The following CENPO variants were observed in gnomAD, a reference collection of about 807,000 sequenced individuals.
The protein encoded by CENPO is centromeric protein O.
Under a neutral mutation model 36.1 loss-of-function variants are expected in CENPO, and 30 were observed. The observed-to-expected ratio is 0.83, with a 90% confidence interval of 0.62 to 1.13. The LOEUF (loss-of-function observed/expected upper bound fraction) is 1.13. Ranked by LOEUF, CENPO falls within the 50% of genes most tolerant of loss-of-function variation. CENPO has a pLI of 0.00. For synonymous variants in CENPO, 171 were observed against 142.3 expected, an observed-to-expected ratio of 1.20 and a Z score of -1.44; for missense variants, 349 against 357.8, an observed-to-expected ratio of 0.98 and a Z score of 0.20.
chr2:24,821,509 G>T lies in CENPO; in HGVS notation c.*2191G>T, dbSNP rs762780810. On this transcript the variant is annotated 3_prime_UTR_variant, in exon 8 of 8. Transcript: ENST00000380834. ...CTGCTGCGGGGCAGGCCAGCTGGGG[G>T]TGCTCACCTATGCGCAGCATGAAGT... is the stretch of plus-strand genomic sequence containing the variant. 1.9e-6 allele frequency: 3 copies of T among 1,613,760 alleles called. No homozygotes were observed. Among genetic ancestry groups the T allele is most frequent in the Non-Finnish European group, 2.5e-6 (3 of 1,179,844 alleles).
intron 2 of CENPO, among the ~76,000 whole-genome samples, chr2:24,797,833 C>T (rs780713616): frequency 3.9e-5 from 6 of 152,118 alleles, no homozygotes; most frequent in Non-Finnish European, 8.8e-5. Context: ...GGTTCAGCAA[C>T]ATGGATATCA....
intron 3 of CENPO, among the ~76,000 whole-genome samples, chr2:24,806,129 G>A (rs559620680): frequency 4.6e-5 from 7 of 152,346 alleles, no homozygotes; most frequent in East Asian, 1.9e-4. Flanking sequence ...AGCCAGGCGC[G>A]GGATATAATC....
At chr2:24,809,997 G>A (rs1256421498) in intron 3 of CENPO, among the ~76,000 whole-genome samples, 1 of 150,254 alleles carries the variant, frequency 6.7e-6, no homozygotes, top group Non-Finnish European at 1.5e-5. Flanking sequence ...ACAGTGAGCC[G>A]AGATCATGTC....
intron 3 of CENPO, among the ~76,000 whole-genome samples, chr2:24,811,850 C>T (rs1229247484): frequency 7.2e-5 from 11 of 152,188 alleles, no homozygotes; most frequent in Admixed American, 7.2e-4. Flanking sequence ...CCCGCTTTGG[C>T]CTCCCAAAGT....
At chr2:24,801,139 C>T (rs1666145265) in intron 3 of CENPO, among the ~76,000 whole-genome samples, 5 of 152,184 alleles carry the variant, frequency 3.3e-5, no homozygotes, top group Admixed American at 3.3e-4. Context: ...TGAGAAGTGT[C>T]TGTTCATGTC....
intron 3 of CENPO, among the ~76,000 whole-genome samples, chr2:24,802,436 C>A (rs1231319482): frequency 6.6e-6 from 1 of 152,048 alleles, no homozygotes; most frequent in Non-Finnish European, 1.5e-5. Flanking sequence ...CCAGTTTTTG[C>A]CCATTCAGTG....
chr2:24,819,267 C>T (rs1667161376), intron 7 of CENPO, 87 bp from the exon 8 acceptor site: 1 of 152,620 alleles, frequency 6.6e-6, no homozygotes, highest in African/African-American at 2.4e-5. Flanking sequence ...AGCAAGAGCT[C>T]AAAAGGCAAG....
intron 2 of CENPO, among the ~76,000 whole-genome samples, chr2:24,797,739 A>G (rs80136347): frequency 6.6e-6 from 1 of 152,322 alleles, no homozygotes; most frequent in African/African-American, 2.4e-5. Context: ...GATTCAGAGG[A>G]AAAGAGGGTT....
chr2:24,816,421 C>T, intron 5 of CENPO: 1 of 484,218 alleles, frequency 2.1e-6, no homozygotes, highest in Non-Finnish European at 3.7e-6. Flanking sequence ...AAGCTGTACC[C>T]CTGGCCATTT....
chr2:24,816,422 C>T, intron 5 of CENPO: 2 of 487,010 alleles, frequency 4.1e-6, no homozygotes, highest in Non-Finnish European at 7.3e-6. Context: ...AGCTGTACCC[C>T]TGGCCATTTA....
chr2:24,801,367 A>G (rs1666159930), intron 3 of CENPO, among the ~76,000 whole-genome samples: 1 of 152,106 alleles, frequency 6.6e-6, no homozygotes, highest in Non-Finnish European at 1.5e-5. Flanking sequence ...TTTTGTTGCC[A>G]TTGCTTTTGG....
Position 24,819,443 on chromosome 2 carries a change from T to TCAAGATGATCA in CENPO, c.*126_*136dup, listed in dbSNP as rs1667193625. ...GGGACAGGAGTTCCAGAAGAACCTT[T>TCAAGATGATCA]CAAGATGATCAGGAACACCAGGACG... On this transcript the variant is annotated 3_prime_UTR_variant, in exon 8 of 8. Coordinates refer to ENST00000380834, the MANE Select transcript of CENPO (RefSeq NM_001322101.2). 1 of 153,332 alleles carries TCAAGATGATCA rather than the reference T, an allele frequency of 6.5e-6. No individual in the cohort carries two copies. Among genetic ancestry groups the TCAAGATGATCA allele is most frequent in the South Asian group, 2.1e-4 (1 of 4,828 alleles). 9.5% of individuals were successfully genotyped at this position (153,332 alleles called of 1,614,324 possible). A position where few individuals can be genotyped will look rare whatever the true frequency, so the allele number is the denominator to read the frequency against.
intron 3 of CENPO, among the ~76,000 whole-genome samples, chr2:24,807,125 C>G (rs903173256): frequency 1.6e-4 from 24 of 152,192 alleles, no homozygotes; most frequent in Non-Finnish European, 8.8e-5. Flanking sequence ...TCCTCCCCCT[C>G]TTCCTTTTCC....
intron 2 of CENPO, among the ~76,000 whole-genome samples, chr2:24,798,971 C>T (rs1429779665): frequency 1.5e-5 from 2 of 135,116 alleles, no homozygotes; most frequent in African/African-American, 2.9e-5. Context: ...AAGTCTGGGG[C>T]TTCCTTTTTT....
chr2:24,815,169 T>C (rs1166225168), intron 4 of CENPO, among the ~76,000 whole-genome samples: 1 of 151,524 alleles, frequency 6.6e-6, no homozygotes, highest in African/African-American at 2.4e-5. Context: ...GCCCAGGAAG[T>C]TGAGGTTGCA....
Position 24,814,407 on chromosome 2 carries a change from A to G in CENPO, c.248A>G (p.Asn83Ser), listed in dbSNP as rs759646419. 22 of 1,603,162 alleles carry G rather than the reference A, an allele frequency of 1.4e-5. No homozygotes were observed. The highest frequency in any genetic ancestry group is 9.4e-5 in the African/African-American group (7 of 74,670). ...GCATGTATTGCCAATGTAGAACCCA[A>G]CCAAACAGTGGAGATCAATGAGCAA... ...VKACIANVEPNQTVEINEQEA... is the reference protein window; with the variant it reads ...VKACIANVEPSQTVEINEQEA... Residue 83 changes from asparagine (N) to serine (S), a missense_variant, in exon 4 of 8, where the codon AAC (asparagine) becomes AGC (serine). Coordinates refer to ENST00000380834, the MANE Select transcript of CENPO (RefSeq NM_001322101.2).
intron 6 of CENPO, among the ~76,000 whole-genome samples, chr2:24,817,378 A>G (rs1167012325): frequency 3.3e-5 from 5 of 150,072 alleles, no homozygotes; most frequent in African/African-American, 1.2e-4. Context: ...ATTTCACACC[A>G]TCGGTCTTTG....
intron 2 of CENPO, among the ~76,000 whole-genome samples, chr2:24,799,265 T>C (rs995226821): frequency 1.3e-5 from 2 of 152,192 alleles, no homozygotes; most frequent in African/African-American, 4.8e-5. Flanking sequence ...CCCAGAGTGC[T>C]AAGATTACAA....
intron 2 of CENPO, 79 bp from the exon 3 acceptor site, chr2:24,799,596 G>T: frequency 3.6e-6 from 4 of 1,123,382 alleles, no homozygotes; most frequent in Non-Finnish European, 3.8e-6. Context: ...AGAGTCACCT[G>T]TTCTTCCCTG....
Sources: gnomAD v4.1 joint callset for allele counts (sites outside exome capture counted in the v4.1 genomes callset) on GRCh38, gnomAD v4.1.1 for gene constraint, MANE v1.5 for transcripts, NCBI Gene and HGNC (gene_info 2026-07-23, HGNC 2026-07-21) for gene names.